The following PRAG1 variants were observed in gnomAD, a reference collection of about 807,000 sequenced individuals.
PRAG1 encodes the protein PEAK1 related, kinase-activating pseudokinase 1.
Under a neutral mutation model 95.6 loss-of-function variants are expected in PRAG1, and 110 were observed. The observed-to-expected ratio is 1.15, with a 90% CI of 0.99 to 1.35. The LOEUF (loss-of-function observed/expected upper bound fraction) is 1.35, where lower values mean the gene tolerates loss of function less well. Among genes scored for constraint, PRAG1 ranks in the 40% most tolerant of loss-of-function variants. PRAG1 has a pLI of 0.00. For missense variants in PRAG1, 2,554 were observed against 1,864.7 expected (o/e 1.37, Z -6.81); for synonymous variants, 1,052 against 819.4 (o/e 1.28, Z -4.85).
intron 3 of PRAG1, among the ~76,000 whole-genome samples, chr8:8,356,835 TATAGACTAATGTA>T (rs1422130849): frequency 1.3e-5 from 2 of 152,152 alleles, no homozygotes; most frequent in African/African-American, 4.8e-5. Context: ...CATATAGACA[TATAGACTAATGTA>T]ATAGACTAGA....
intron 3 of PRAG1, among the ~76,000 whole-genome samples, chr8:8,358,903 A>G (rs1008541464): frequency 6.6e-6 from 1 of 152,260 alleles, no homozygotes. Context: ...AGTTGCTTAC[A>G]TAAAGGCTTA....
In PRAG1 at chr8:8,350,695, C is replaced by T. The variant is rs188726097; in HGVS notation, c.2163-11060G>A. 2.8e-4 allele frequency among the ~76,000 whole-genome samples: 42 copies of T among 152,284 alleles called. No homozygotes were observed. In the East Asian group the frequency reaches 4.1e-3, roughly 15 times the overall value. ...TAAGAGCATGAACACTGGTGCTTCA[C>T]GGCCTGGGTTCGGGTCCTGACTCAA... On this transcript the variant is annotated intron_variant, in intron 3 of 5. Coordinates refer to ENST00000615670, the MANE Select transcript of PRAG1 (RefSeq NM_001080826.3).
chr8:8,381,835 C>T lies in PRAG1; in HGVS notation c.-87-1G>A, dbSNP rs1585285520. On this transcript the variant is annotated splice_acceptor_variant, in intron 1 of 5. Coordinates refer to ENST00000615670, the MANE Select transcript of PRAG1 (RefSeq NM_001080826.3). LOFTEE classifies it low-confidence loss of function (5UTR_SPLICE). Reference sequence around the variant, plus strand: ...CAGAGGTGGGTCACAGAGCGGCTTCCTAGAAAGGCAGGACAGTTTCCTGAT... The same window carrying T: ...CAGAGGTGGGTCACAGAGCGGCTTCTTAGAAAGGCAGGACAGTTTCCTGAT... 5 of 1,088,110 alleles carry T rather than the reference C, an allele frequency of 4.6e-6. No individual in the cohort carries two copies. In the East Asian group the frequency reaches 1.0e-4, roughly 23 times the overall value. 67.4% of individuals were successfully genotyped at this position (1,088,110 alleles called of 1,614,324 possible). A position where few individuals can be genotyped will look rare whatever the true frequency, so the allele number is the denominator to read the frequency against.
At chr8:8,333,742 A>C (rs1368749842) in intron 4 of PRAG1, among the ~76,000 whole-genome samples, 2 of 152,216 alleles carry the variant, frequency 1.3e-5, no homozygotes. Flanking sequence ...GGTCAGAACA[A>C]ATGCAGAAGC....
At chr8:8,336,902 C>G (rs1381024316) in intron 4 of PRAG1, among the ~76,000 whole-genome samples, 1 of 69,162 alleles carries the variant, frequency 1.4e-5, no homozygotes, top group Non-Finnish European at 2.6e-5. Flanking sequence ...CCTCCCCACA[C>G]CCCTTTCCCC....
intron 3 of PRAG1, among the ~76,000 whole-genome samples, chr8:8,366,998 T>G (rs1800029379): frequency 6.6e-6 from 1 of 152,018 alleles, no homozygotes; most frequent in Admixed American, 6.6e-5. Context: ...GAAGACAAAT[T>G]TTAGATTTTA....
intron 4 of PRAG1, among the ~76,000 whole-genome samples, chr8:8,333,649 A>G (rs1375623571): frequency 6.6e-6 from 1 of 152,220 alleles, no homozygotes; most frequent in East Asian, 1.9e-4. Flanking sequence ...TCTGCAGCCA[A>G]AATGAGAGCT....
chr8:8,369,549 G>GCA (rs1800124124), intron 3 of PRAG1, among the ~76,000 whole-genome samples: 1 of 152,084 alleles, frequency 6.6e-6, no homozygotes, highest in Non-Finnish European at 1.5e-5. Flanking sequence ...AATAAACACG[G>GCA]CACTGTCTCT....
At chr8:8,321,656 G>A (rs1012522662) in intron 5 of PRAG1, among the ~76,000 whole-genome samples, 1 of 152,168 alleles carries the variant, frequency 6.6e-6, no homozygotes, top group Non-Finnish European at 1.5e-5. Context: ...TATTACAGAG[G>A]AGGAAACTGG....
At chr8:8,319,478 T>C (rs891454325) in intron 5 of PRAG1, among the ~76,000 whole-genome samples, 176 bp from the exon 6 acceptor site, 1 of 152,088 alleles carries the variant, frequency 6.6e-6, no homozygotes, top group Non-Finnish European at 1.5e-5. Flanking sequence ...AGGCCTTGGG[T>C]TGGGCAAAGA....
rs981297309 is a variant in PRAG1 at position 8,342,487 on chromosome 8, C to T, written c.2163-2852G>A. On this transcript the variant is annotated intron_variant, in intron 3 of 5. Coordinates refer to ENST00000615670, the MANE Select transcript of PRAG1 (RefSeq NM_001080826.3). ...CTGGGATTACAGGAGTGAGCCACCG[C>T]GCCCGGCCTTATCTCAGGTAATTTT... 5.3e-5 allele frequency among the ~76,000 whole-genome samples: 8 copies of T among 152,202 alleles called. No homozygotes were observed. In the East Asian group the frequency reaches 5.8e-4, roughly 11 times the overall value.
chr8:8,371,754 C>T (rs1800214493), intron 3 of PRAG1, among the ~76,000 whole-genome samples: 1 of 152,066 alleles, frequency 6.6e-6, no homozygotes, highest in African/African-American at 2.4e-5. Context: ...CCTGTAGTCC[C>T]AGCTACTCAG....
chr8:8,343,104 C>T (rs987804746), intron 3 of PRAG1, among the ~76,000 whole-genome samples: 4 of 151,936 alleles, frequency 2.6e-5, no homozygotes, highest in African/African-American at 7.3e-5. Context: ...AATGAACAGG[C>T]AACTCACAAA....
rs7839498 is a variant in PRAG1 at position 8,324,727 on chromosome 8, G to A, written c.3072+2983C>T. On this transcript the variant is annotated intron_variant, in intron 5 of 5. Coordinates refer to ENST00000615670, the MANE Select transcript of PRAG1 (RefSeq NM_001080826.3). ...CTTTGGAGTCAGGGCCTCATTCACGGGCGAAAGTCTGGGCTAAATCATGTC... is the reference window on the plus strand; with the variant it reads ...CTTTGGAGTCAGGGCCTCATTCACGAGCGAAAGTCTGGGCTAAATCATGTC... Among the ~76,000 whole-genome samples, 1,134 of 152,284 alleles carry A rather than the reference G, an allele frequency of 7.4e-3. 14 individuals are homozygous for A. The highest frequency in any genetic ancestry group is 0.026 in the African/African-American group (1,092 of 41,552).
In PRAG1 at chr8:8,351,310, AG is replaced by A. The variant is rs368210964; in HGVS notation, c.2163-11676del. ...AACCCTATCATGAGAACAGCACCAA[AG>A]GGGGAAATTCGCTCCCATGGTCGAA... On this transcript the variant is annotated intron_variant, in intron 3 of 5. Coordinates refer to ENST00000615670, the MANE Select transcript of PRAG1 (RefSeq NM_001080826.3). 3.4e-3 allele frequency among the ~76,000 whole-genome samples: 517 copies of A among 152,270 alleles called. 3 individuals carry two copies. Among genetic ancestry groups the A allele is most frequent in the African/African-American group, 0.011 (466 of 41,546 alleles).
In PRAG1 at chr8:8,367,946, T is replaced by C. The variant is rs575037974; in HGVS notation, c.2162+8301A>G. 4.6e-5 allele frequency among the ~76,000 whole-genome samples: 7 copies of C among 152,258 alleles called. No individual in the cohort carries two copies. The East Asian group carries it at 1.4e-3, about 29-fold the overall frequency. ...GTGAGCCATCACGCCTGGCCGTATATAGTGTTTTTTAATTTCATTAATTTT... is the reference window on the plus strand; with the variant it reads ...GTGAGCCATCACGCCTGGCCGTATACAGTGTTTTTTAATTTCATTAATTTT... On this transcript the variant is annotated intron_variant, in intron 3 of 5. Transcript: ENST00000615670.
intron 3 of PRAG1, among the ~76,000 whole-genome samples, chr8:8,365,171 A>G (rs1799960113): frequency 6.6e-6 from 1 of 152,210 alleles, no homozygotes; most frequent in Admixed American, 6.5e-5. Context: ...ATTCAGAAAA[A>G]CTATAAGTAG....
chr8:8,376,343 G>A lies in PRAG1; in HGVS notation c.2066C>T (p.Thr689Ile). 2 of 1,614,192 alleles carry A rather than the reference G, an allele frequency of 1.2e-6. No individual in the cohort carries two copies. Among genetic ancestry groups the A allele is most frequent in the South Asian group, 1.1e-5 (1 of 91,084 alleles). Reference sequence around the variant, plus strand: ...AAAAGAGGCGGATTTGCTCATCCCGGTCCCAACTTTGCTGTTCTGCCCAGA... The same window carrying A: ...AAAAGAGGCGGATTTGCTCATCCCGATCCCAACTTTGCTGTTCTGCCCAGA... ...GSSGQNSKVGTGMSKSASFAF... is the reference protein window; with the variant it reads ...GSSGQNSKVGIGMSKSASFAF... The change falls in exon 3 of 6, where the codon ACC becomes ATC. Residue 689 changes from threonine to isoleucine, a missense_variant. Transcript: ENST00000615670.
chr8:8,333,776 C>G (rs1426519507), intron 4 of PRAG1, among the ~76,000 whole-genome samples: 1 of 152,220 alleles, frequency 6.6e-6, no homozygotes, highest in Non-Finnish European at 1.5e-5. Context: ...CCAACTAAGT[C>G]TCCCCAAACG....
Sources: gnomAD v4.1 joint callset for allele counts (sites outside exome capture counted in the v4.1 genomes callset) on GRCh38, gnomAD v4.1.1 for gene constraint, MANE v1.5 for transcripts, NCBI Gene and HGNC (gene_info 2026-07-23, HGNC 2026-07-21) for gene names.